TJP1: variants seen among roughly 807,000 people sequenced by gnomAD.
TJP1 encodes the protein tight junction protein 1.
Under a neutral mutation model 194.2 loss-of-function variants are expected in TJP1, and 43 were observed. The ratio of observed to expected loss-of-function variants is 0.22; its 90% CI spans 0.17 to 0.29. The LOEUF (loss-of-function observed/expected upper bound fraction) is 0.29. TJP1 is among the 10% of genes least tolerant of loss of function. The probability of loss-of-function intolerance (pLI) is 1.00; values close to 1 mark genes in which losing one functional copy is unlikely to be tolerated. For synonymous variants in TJP1, 801 were observed against 779.0 expected, an observed-to-expected ratio of 1.03 and a Z score of -0.47; for missense variants, 1,971 against 2,185.7, an observed-to-expected ratio of 0.90 and a Z score of 1.96.
intron 16 of TJP1, 134 bp from the exon 17 acceptor site, chr15:29,727,125 C>T: frequency 1.4e-6 from 1 of 715,372 alleles, no homozygotes; most frequent in South Asian, 1.9e-5. Flanking sequence ...GGGTGAATCA[C>T]TTGAGGCCAG....
chr15:29,701,749 T>C, intron 27 of TJP1, 60 bp from the exon 28 acceptor site: 1 of 1,282,626 alleles, frequency 7.8e-7, no homozygotes, highest in Non-Finnish European at 1.1e-6. Flanking sequence ...CCGTAATGCT[T>C]TGCAATTATA....
rs1201918504 is a variant in TJP1, at chr15:29,719,779, T to C, written c.3001A>G (p.Lys1001Glu). 2 of 1,612,270 alleles carry C rather than the reference T, an allele frequency of 1.2e-6. No homozygotes were observed. The highest frequency in any genetic ancestry group is 1.3e-5 in the African/African-American group (1 of 74,978). The change falls in exon 20 of 28, where the codon AAG (lysine) becomes GAG (glutamate). Residue 1001 changes from lysine to glutamate, a missense_variant and splice_region_variant. Around this residue, in one of 5 missense-constraint regions of TJP1, gnomAD observed 1,108 missense variants for 1,128.5 expected, o/e 0.98. Coordinates refer to ENST00000614355, the MANE Select transcript of TJP1 (RefSeq NM_001330239.4). ...PSLSSHVDPT[K>E]VYRKDPYPEE... The stretch of plus-strand genomic sequence containing the variant: ...GTGCAACACCGCAGCACAGGTACCT[T>C]TGTTGGATCTACATGCGACGACAAT...
intron 18 of TJP1, among the ~76,000 whole-genome samples, chr15:29,720,962 C>T (rs982401128): frequency 1.3e-5 from 2 of 152,056 alleles, no homozygotes; most frequent in South Asian, 2.1e-4. Context: ...ACTCCAGGGC[C>T]CAGCCCTGGA....
intron 1 of TJP1, among the ~76,000 whole-genome samples, chr15:29,819,094 G>A (rs186131885): frequency 2.6e-5 from 4 of 152,244 alleles, no homozygotes; most frequent in Admixed American, 6.5e-5. Context: ...TATCATGCAC[G>A]GAGGATTCTT....
rs1345131183 is a variant in TJP1, at chr15:29,708,708, A to C, written c.4701T>G (p.Thr1567=). 1.2e-6 allele frequency: 2 copies of C among 1,614,230 alleles called. No homozygotes were observed. The highest frequency in any genetic ancestry group is 8.5e-7 in the Non-Finnish European group (1 of 1,180,038). ...TCACAAGAGTTTTTGGAGAAGTGGG[A>C]GTTTTTGAAGACAAGTCAGGTTTAT... The part of the protein sequence containing the change: ...TAHKPDLSSK[T]PTSPKTLVKS... The change falls in exon 25 of 28, where the codon ACT becomes ACG. Residue 1567 remains threonine, a synonymous_variant. Transcript: ENST00000614355.
chr15:29,949,630 C>T (rs1315468205), intron 2 of TJP1, among the ~76,000 whole-genome samples: 5 of 124,318 alleles, frequency 4.0e-5, no homozygotes, highest in East Asian at 3.5e-4. Flanking sequence ...CCACCTCCAC[C>T]TCCACCACCT....
chr15:29,813,447 C>T (rs1343826699), intron 1 of TJP1, among the ~76,000 whole-genome samples: 2 of 152,160 alleles, frequency 1.3e-5, no homozygotes, highest in Non-Finnish European at 2.9e-5. Context: ...ATAAAGTCCT[C>T]ATACAATGGA....
intron 2 of TJP1, among the ~76,000 whole-genome samples, chr15:29,829,572 G>GC (rs2050773616): frequency 6.6e-6 from 1 of 150,634 alleles, no homozygotes; most frequent in East Asian, 1.9e-4. Context: ...GAAATTTACA[G>GC]CTCTTTAGAT....
chr15:29,929,431 T>A (rs960989065), intron 2 of TJP1, among the ~76,000 whole-genome samples: 3 of 152,156 alleles, frequency 2.0e-5, no homozygotes, highest in Non-Finnish European at 4.4e-5. Flanking sequence ...GTGCTGTGGC[T>A]CAGGCCTGTA....
chr15:29,780,095 T>C (rs1257313727), intron 2 of TJP1, among the ~76,000 whole-genome samples: 2 of 151,950 alleles, frequency 1.3e-5, no homozygotes, highest in Admixed American at 1.3e-4. Flanking sequence ...GCACCAGGGA[T>C]TGGTTTCTTT....
In TJP1 at chr15:29,708,706, G is replaced by A; in HGVS notation, c.4703C>T (p.Pro1568Leu). The A allele has an allele frequency of 6.2e-7, 1 of 1,614,202 alleles. No individual in the cohort carries two copies. The highest frequency in any genetic ancestry group is 8.5e-7 in the Non-Finnish European group (1 of 1,180,040). The change falls in exon 25 of 28, where the codon CCC becomes CTC. Residue 1568 changes from proline to leucine, a missense_variant. Pro to Leu is a moderately conservative substitution (Grantham distance 98). Coordinates refer to ENST00000614355, the MANE Select transcript of TJP1 (RefSeq NM_001330239.4). ...TTTCACAAGAGTTTTTGGAGAAGTGGGAGTTTTTGAAGACAAGTCAGGTTT... is the reference window on the plus strand; with the variant it reads ...TTTCACAAGAGTTTTTGGAGAAGTGAGAGTTTTTGAAGACAAGTCAGGTTT... ...AHKPDLSSKT[P>L]TSPKTLVKSH...
chr15:29,936,772 G>A (rs1239946218), intron 2 of TJP1, among the ~76,000 whole-genome samples: 1 of 152,144 alleles, frequency 6.6e-6, no homozygotes, highest in Non-Finnish European at 1.5e-5. Flanking sequence ...CTAGTGGAAT[G>A]AAGTACTGTT....
At chr15:29,797,582 T>TAA (rs201927768) in intron 2 of TJP1, among the ~76,000 whole-genome samples, 14 of 133,312 alleles carry the variant, frequency 1.1e-4, no homozygotes, top group South Asian at 2.4e-4. Context: ...CTGAATACGT[T>TAA]AAAAAAAAAA....
Position 29,864,237 on chromosome 15 carries a change from CAAAAAAAAAAA to C in TJP1, c.307-63546_307-63536del, listed in dbSNP as rs397975539. On this transcript the variant is annotated intron_variant, in intron 2 of 28. Transcript: ENST00000356107. ...TGAAACCCCGTCTCTACTAAAAATA[CAAAAAAAAAAA>C]AAAAAAAAAAAAAAAAGCTGGGTGT... Among the ~76,000 whole-genome samples, 124 of 18,936 alleles carry C rather than the reference CAAAAAAAAAAA, an allele frequency of 6.5e-3. 2 individuals carry two copies. Among genetic ancestry groups the C allele is most frequent in the African/African-American group, 0.017 (111 of 6,656 alleles). The allele number at this position is 18,936 out of a possible 152,430, so 12.4% of individuals were successfully genotyped here.
intron 2 of TJP1, among the ~76,000 whole-genome samples, chr15:29,864,773 G>A (rs561315250): frequency 2.0e-5 from 3 of 152,112 alleles, no homozygotes; most frequent in African/African-American, 2.4e-5. Flanking sequence ...AGTTAGCTAC[G>A]TGGGGGGCTT....
chr15:29,774,269 T>C (rs1003323910), intron 2 of TJP1, among the ~76,000 whole-genome samples: 1 of 151,880 alleles, frequency 6.6e-6, no homozygotes, highest in Non-Finnish European at 1.5e-5. Context: ...GAATAGTGCA[T>C]ACATCACCTT....
intron 23 of TJP1, 130 bp from the exon 24 acceptor site, chr15:29,711,130 T>C: frequency 2.9e-6 from 3 of 1,038,392 alleles, no homozygotes; most frequent in South Asian, 2.1e-5. Flanking sequence ...CTCATGAGTA[T>C]GGGTAGCTAC....
At chr15:29,757,320 C>A (rs1456866933) in intron 8 of TJP1, among the ~76,000 whole-genome samples, 1 of 152,172 alleles carries the variant, frequency 6.6e-6, no homozygotes, top group Non-Finnish European at 1.5e-5. Flanking sequence ...CTTCCTTTTA[C>A]ACTCAAGTGA....
intron 2 of TJP1, among the ~76,000 whole-genome samples, chr15:29,828,782 G>A (rs1205114902): frequency 6.7e-6 from 1 of 150,036 alleles, no homozygotes; most frequent in Non-Finnish European, 1.5e-5. Context: ...TGCCCAGGCT[G>A]GAGTCCAGTG....
Sources: gnomAD v4.1 joint callset for allele counts (sites outside exome capture counted in the v4.1 genomes callset) on GRCh38, gnomAD v4.1.1 for gene constraint, gnomAD v4.1.1 regional missense constraint, MANE v1.5 for transcripts, NCBI Gene and HGNC (gene_info 2026-07-23, HGNC 2026-07-21) for gene names.